TRIO: variants seen among roughly 807,000 people sequenced by gnomAD.
The protein encoded by TRIO is triple functional domain protein.
A neutral mutation model predicts 351.9 loss-of-function variants in TRIO; 58 were observed. The observed-to-expected ratio is 0.16, with a 90% CI of 0.13 to 0.21. TRIO has a LOEUF of 0.21. Among genes scored for constraint, TRIO ranks in the 10% least tolerant of loss-of-function variants. TRIO has a pLI of 1.00. For synonymous variants in TRIO, 1,758 were observed against 1,595.7 expected, an observed-to-expected ratio of 1.10 and a Z score of -2.42; for missense variants, 3,201 against 4,027.8, an observed-to-expected ratio of 0.79 and a Z score of 5.56.
chr5:14,251,302 A>G (rs139243625), intron 1 of TRIO, among the ~76,000 whole-genome samples: 12 of 152,320 alleles, frequency 7.9e-5, no homozygotes, highest in African/African-American at 2.2e-4. Flanking sequence ...TTCTGGCCCT[A>G]TGCCTCTAGG....
intron 46 of TRIO, among the ~76,000 whole-genome samples, chr5:14,482,977 G>C (rs1755646129): frequency 1.3e-5 from 2 of 152,218 alleles, no homozygotes; most frequent in African/African-American, 4.8e-5. Context: ...ACACACCTCT[G>C]TGTAACCACA....
At chr5:14,173,765 T>G (rs1171282051) in intron 1 of TRIO, among the ~76,000 whole-genome samples, 1 of 152,236 alleles carries the variant, frequency 6.6e-6, no homozygotes, top group East Asian at 1.9e-4. Context: ...TGGTTTTCTA[T>G]GTTTGCTTAT....
chr5:14,364,681 C>T lies in TRIO; in HGVS notation c.2619C>T (p.Asp873=). 6.2e-7 allele frequency: 1 copy of T among 1,613,938 alleles called. No homozygotes were observed. Among genetic ancestry groups the T allele is most frequent in the Non-Finnish European group, 8.5e-7 (1 of 1,179,970 alleles). ...AGCTGCTGTGTGATAGAGATGTAGA[C>T]ATGGCAACTCGGGTCCAGGACCTGC... is the stretch of plus-strand genomic sequence containing the variant. The part of the protein sequence containing the change: ...GVELLCDRDV[D]MATRVQDLLE... The change falls in exon 15 of 57, where the codon GAC becomes GAT. Residue 873 remains aspartate (D), a synonymous_variant. Coordinates refer to ENST00000344204, the MANE Select transcript of TRIO (RefSeq NM_007118.4).
At chr5:14,198,549 C>T (rs1257572891) in intron 1 of TRIO, among the ~76,000 whole-genome samples, 1 of 152,192 alleles carries the variant, frequency 6.6e-6, no homozygotes, top group Non-Finnish European at 1.5e-5. Flanking sequence ...TATGGAACTG[C>T]AATGATGGGA....
At chr5:14,233,494 GAAAA>G (rs1013227429) in intron 1 of TRIO, among the ~76,000 whole-genome samples, 1 of 149,434 alleles carries the variant, frequency 6.7e-6, no homozygotes, top group Middle Eastern at 3.4e-3. Context: ...TCTGTCAAAA[GAAAA>G]AAAAAGGAAT....
At chr5:14,224,115 G>A (rs1417584827) in intron 1 of TRIO, among the ~76,000 whole-genome samples, 1 of 151,986 alleles carries the variant, frequency 6.6e-6, no homozygotes, top group Non-Finnish European at 1.5e-5. Flanking sequence ...TTTATTTAAT[G>A]TTACAGTGTT....
intron 10 of TRIO, among the ~76,000 whole-genome samples, chr5:14,336,172 A>G (rs1308785250): frequency 6.6e-6 from 1 of 152,168 alleles, no homozygotes; most frequent in Non-Finnish European, 1.5e-5. Context: ...GCTTGGTGAT[A>G]AAACTGGAAG....
At chr5:14,339,365 A>T (rs1741728073) in intron 11 of TRIO, among the ~76,000 whole-genome samples, 1 of 152,232 alleles carries the variant, frequency 6.6e-6, no homozygotes, top group Non-Finnish European at 1.5e-5. Context: ...CTGTATTGTC[A>T]CTAGGTTTGG....
At position 14,339,916 on chromosome 5, in the gene TRIO, TA is replaced by T. The variant is rs150910554; in HGVS notation, c.2046+3193del. On this transcript the variant is annotated intron_variant, in intron 11 of 56. Transcript: ENST00000344204. The stretch of plus-strand genomic sequence containing the variant: ...AAGCTTAGAACAAGTTTAATTAGTT[TA>T]AAATGAAAAGCTAGATGGGCCTAGA... 9.3e-3 allele frequency among the ~76,000 whole-genome samples: 1,424 copies of T among 152,330 alleles called. 31 individuals carry two copies. The highest frequency in any genetic ancestry group is 0.033 in the African/African-American group (1,368 of 41,576).
chr5:14,330,073 G>A (rs374731393), intron 9 of TRIO, among the ~76,000 whole-genome samples: 52 of 152,294 alleles, frequency 3.4e-4, no homozygotes, highest in African/African-American at 1.1e-3. Context: ...TATTGTCAGC[G>A]TTTTGTGATT....
At chr5:14,175,259 G>T (rs1218256606) in intron 1 of TRIO, among the ~76,000 whole-genome samples, 1 of 152,270 alleles carries the variant, frequency 6.6e-6, no homozygotes, top group Admixed American at 6.5e-5. Flanking sequence ...AAAGTTTTGG[G>T]ATACATGTGC....
intron 2 of TRIO, among the ~76,000 whole-genome samples, chr5:14,271,600 G>A (rs377136968): frequency 2.6e-5 from 4 of 152,256 alleles, no homozygotes; most frequent in African/African-American, 7.2e-5. Flanking sequence ...CAGCCCTTGG[G>A]TATTATACCT....
chr5:14,264,993 CCTT>C (rs1417369612), intron 1 of TRIO, among the ~76,000 whole-genome samples: 1 of 152,134 alleles, frequency 6.6e-6, no homozygotes, highest in African/African-American at 2.4e-5. Flanking sequence ...TACTATTTAA[CCTT>C]CTTTTTCTGG....
Position 14,286,805 on chromosome 5 carries a change from GGAC to G in TRIO, c.348-65_348-63del. 6.5e-7 allele frequency: 1 copy of G among 1,528,682 alleles called. No individual in the cohort carries two copies. Among genetic ancestry groups the G allele is most frequent in the Non-Finnish European group, 8.9e-7 (1 of 1,129,086 alleles). 94.7% of individuals were successfully genotyped at this position (1,528,682 alleles called of 1,614,324 possible). ...GAAGCTGGGTCTGTGGCACCCAGTG[GGAC>G]TCTGACCAGGCAGAGTGGCAAGAGA... On this transcript the variant is annotated intron_variant, in intron 3 of 56. Coordinates refer to ENST00000344204, the MANE Select transcript of TRIO (RefSeq NM_007118.4). This position sits in a 1 kb window ranked among gnomAD's most constrained non-coding sequence, Gnocchi z 4.4.
At chr5:14,266,808 A>G (rs187229366) in intron 1 of TRIO, among the ~76,000 whole-genome samples, 124 of 152,346 alleles carry the variant, frequency 8.1e-4, no homozygotes, top group Non-Finnish European at 1.5e-3. Flanking sequence ...CCTCAGTAGC[A>G]TTCAACAAAT....
At chr5:14,396,438 T>A (rs1280443406) in intron 28 of TRIO, among the ~76,000 whole-genome samples, 1 of 132,498 alleles carries the variant, frequency 7.5e-6, no homozygotes, top group Non-Finnish European at 1.6e-5. Context: ...AATATTTCTA[T>A]TTATCTTTTT....
chr5:14,449,506 C>A (rs1752684386), intron 34 of TRIO, among the ~76,000 whole-genome samples: 1 of 152,170 alleles, frequency 6.6e-6, no homozygotes, highest in South Asian at 2.1e-4. Flanking sequence ...CTATGTTGGC[C>A]TCTTGTTGCT....
intron 41 of TRIO, among the ~76,000 whole-genome samples, chr5:14,479,036 G>T (rs763530169): frequency 6.6e-6 from 1 of 152,140 alleles, no homozygotes; most frequent in Non-Finnish European, 1.5e-5. Flanking sequence ...TAAAGTGAAG[G>T]GTTTGGTGTG....
intron 6 of TRIO, among the ~76,000 whole-genome samples, chr5:14,294,071 A>G (rs532295233): frequency 2.2e-4 from 33 of 152,210 alleles, no homozygotes; most frequent in African/African-American, 7.2e-4. Context: ...CTGTAGTCCC[A>G]GCTATTTGGG....
Sources: allele counts gnomAD v4.1 joint callset (sites outside exome capture counted in the v4.1 genomes callset), GRCh38; gene constraint gnomAD v4.1.1; non-coding constraint Gnocchi (gnomAD v3.1); transcripts MANE v1.5; gene names NCBI Gene and HGNC (gene_info 2026-07-23, HGNC 2026-07-21).